The following TMEM131L variants were observed in gnomAD, a reference collection of about 807,000 sequenced individuals.
TMEM131L encodes the protein transmembrane protein 131-like.
Under a neutral mutation model 192.2 loss-of-function variants are expected in TMEM131L, and 54 were observed. That is an observed-to-expected ratio of 0.28 (90% CI 0.23 to 0.35). The LOEUF is 0.35. Among genes scored for constraint, TMEM131L ranks in the 10% least tolerant of loss-of-function variants. The pLI, the probability that TMEM131L is intolerant of heterozygous loss-of-function variation, is 1.00. For synonymous variants in TMEM131L, 701 were observed against 704.9 expected (o/e 0.99, Z 0.09); for missense variants, 1,888 against 1,972.9 (o/e 0.96, Z 0.82).
rs750210433 is a variant in TMEM131L at position 153,612,408 on chromosome 4, T to A, written c.3567+8T>A. On this transcript the variant is annotated splice_region_variant and intron_variant, in intron 26 of 34. Coordinates refer to ENST00000409959, the MANE Select transcript of TMEM131L (RefSeq NM_001131007.2). Reference sequence around the variant, plus strand: ...GACATACCTTTCGTAGAGGTCTGTATTTTTTTTCTTGCCTATTAAAAACAA... The same window carrying A: ...GACATACCTTTCGTAGAGGTCTGTAATTTTTTTCTTGCCTATTAAAAACAA... The A allele has an allele frequency of 3.2e-6, 5 of 1,563,926 alleles. No individual in the cohort carries two copies. The highest frequency in any genetic ancestry group is 3.4e-6 in the Non-Finnish European group (4 of 1,161,102).
In TMEM131L at chr4:153,600,444, G is replaced by C. The variant is rs28542777; in HGVS notation, c.2267-1708G>C. On this transcript the variant is annotated intron_variant, in intron 21 of 34. Coordinates refer to ENST00000409959, the MANE Select transcript of TMEM131L (RefSeq NM_001131007.2). ...ATTGATTTGAAATTTAGTTTAAATA[G>C]CTGCATGTGTCTAATGGCTACTGTA... is the stretch of plus-strand genomic sequence containing the variant. Among the ~76,000 whole-genome samples, 1,290 of 151,858 alleles carry C rather than the reference G, an allele frequency of 8.5e-3. 14 individuals are homozygous for C. Among genetic ancestry groups the C allele is most frequent in the African/African-American group, 0.029 (1,201 of 41,396 alleles).
intron 9 of TMEM131L, among the ~76,000 whole-genome samples, chr4:153,582,420 G>GTTTTTTTTTTTTTTTTTTT (rs1216119441): frequency 3.7e-5 from 3 of 81,840 alleles, no homozygotes; most frequent in Non-Finnish European, 7.1e-5. Context: ...AATTTAAACC[G>GTTTTTTTTTTTTTTTTTTT]TTTTTTTTTG....
At chr4:153,519,991 T>C (rs1428146740) in intron 3 of TMEM131L, among the ~76,000 whole-genome samples, 1 of 152,012 alleles carries the variant, frequency 6.6e-6, no homozygotes, top group Non-Finnish European at 1.5e-5. Context: ...CAATAGCCAG[T>C]TGCTCAGTGG....
chr4:153,610,836 C>T (rs980654322), intron 25 of TMEM131L, among the ~76,000 whole-genome samples: 3 of 152,144 alleles, frequency 2.0e-5, no homozygotes. Context: ...GTCCATCCTA[C>T]CAGAGCCTGC....
intron 20 of TMEM131L, among the ~76,000 whole-genome samples, chr4:153,598,144 C>T (rs561075732): frequency 3.9e-5 from 6 of 151,988 alleles, no homozygotes; most frequent in African/African-American, 1.4e-4. Context: ...GAATTTCTTA[C>T]GATTACTATG....
chr4:153,560,795 A>G (rs563950423), intron 7 of TMEM131L, among the ~76,000 whole-genome samples: 90 of 152,302 alleles, frequency 5.9e-4, no homozygotes, highest in Middle Eastern at 6.8e-3. Flanking sequence ...CCATTCATCA[A>G]TTGGTGGACA....
chr4:153,573,799 C>G (rs780377346), intron 7 of TMEM131L, among the ~76,000 whole-genome samples: 3 of 152,126 alleles, frequency 2.0e-5, no homozygotes, highest in Non-Finnish European at 2.9e-5. Flanking sequence ...AAAAAAATCT[C>G]TTAGAAACCA....
At chr4:153,473,813 A>G (rs367936180) in intron 2 of TMEM131L, 32 bp from the exon 3 acceptor site, 6 of 1,528,810 alleles carry the variant, frequency 3.9e-6, no homozygotes, top group Non-Finnish European at 5.3e-6. Flanking sequence ...AACAAACAGA[A>G]ACAACGGTTA....
chr4:153,479,372 C>G (rs142159837), intron 3 of TMEM131L, among the ~76,000 whole-genome samples: 3 of 152,298 alleles, frequency 2.0e-5, no homozygotes, highest in Non-Finnish European at 2.9e-5. Context: ...CAAATATCAA[C>G]AGTAATATGT....
At chr4:153,491,228 A>G (rs977040189) in intron 3 of TMEM131L, among the ~76,000 whole-genome samples, 8 of 152,172 alleles carry the variant, frequency 5.3e-5, no homozygotes, top group Non-Finnish European at 8.8e-5. Context: ...AAGGAAAGAC[A>G]TGTTCCTAGA....
At chr4:153,473,629 T>A (rs1475089890) in intron 2 of TMEM131L, among the ~76,000 whole-genome samples, 1 of 152,118 alleles carries the variant, frequency 6.6e-6, no homozygotes, top group Admixed American at 6.5e-5. Flanking sequence ...CTGTTTCTAC[T>A]AAAAATACAA....
At chr4:153,471,170 T>C (rs565314881) in intron 2 of TMEM131L, among the ~76,000 whole-genome samples, 1 of 152,280 alleles carries the variant, frequency 6.6e-6, no homozygotes, top group South Asian at 2.1e-4. Context: ...GTGTTTTTAG[T>C]AGAGACTGGG....
chr4:153,585,023 G>A, intron 12 of TMEM131L, 92 bp downstream of exon 12: 1 of 1,005,244 alleles, frequency 9.9e-7, no homozygotes, highest in Non-Finnish European at 1.5e-6. Flanking sequence ...GATATGATTT[G>A]TGTGATTCTC....
At chr4:153,480,517 C>CAAAAA (rs1157080931) in intron 3 of TMEM131L, among the ~76,000 whole-genome samples, 1 of 50,744 alleles carries the variant, frequency 2.0e-5, no homozygotes, top group African/African-American at 7.8e-5. Context: ...GACTCCATCT[C>CAAAAA]AAAAAAAAAA....
chr4:153,609,865 T>G (rs28482774), intron 25 of TMEM131L, among the ~76,000 whole-genome samples: 2,355 of 152,284 alleles, frequency 0.015, 62 homozygotes, highest in African/African-American at 0.048. Flanking sequence ...GCTTCCAGAA[T>G]CCAAAGGGAT....
At chr4:153,596,640 C>G (rs1019636746) in intron 20 of TMEM131L, among the ~76,000 whole-genome samples, 1 of 152,194 alleles carries the variant, frequency 6.6e-6, no homozygotes, top group Non-Finnish European at 1.5e-5. Flanking sequence ...TTCCACACAG[C>G]TTCTCGTCTG....
chr4:153,477,727 T>A (rs1240419581), intron 3 of TMEM131L, among the ~76,000 whole-genome samples: 1 of 152,208 alleles, frequency 6.6e-6, no homozygotes, highest in Non-Finnish European at 1.5e-5. Flanking sequence ...AAAATAGTAC[T>A]CACTCTTGTT....
At chr4:153,545,604 G>C (rs1307127541) in intron 3 of TMEM131L, among the ~76,000 whole-genome samples, 1 of 151,786 alleles carries the variant, frequency 6.6e-6, no homozygotes, top group African/African-American at 2.4e-5. Context: ...TTTCTTTGTT[G>C]TATGTCTGTA....
chr4:153,586,492 T>C (rs1027437512), intron 14 of TMEM131L, 113 bp downstream of exon 14: 1 of 704,538 alleles, frequency 1.4e-6, no homozygotes, highest in Non-Finnish European at 2.2e-6. Flanking sequence ...TCTTTAAGGC[T>C]AAGAAACTGA....
Sources: allele counts gnomAD v4.1 joint callset (sites outside exome capture counted in the v4.1 genomes callset), GRCh38; gene constraint gnomAD v4.1.1; transcripts MANE v1.5; gene names NCBI Gene and HGNC (gene_info 2026-07-23, HGNC 2026-07-21).